The following CDK12 variants were observed in gnomAD, a reference collection of about 807,000 sequenced individuals.
CDK12 encodes cyclin-dependent kinase 12.
A neutral mutation model predicts 133.8 loss-of-function variants in CDK12; 17 were observed. That is an observed-to-expected ratio of 0.13 (90% CI 0.09 to 0.19). The LOEUF (loss-of-function observed/expected upper bound fraction) is 0.19, where lower values mean the gene tolerates loss of function less well. CDK12 is among the 10% of genes least tolerant of loss of function. The pLI, the probability that CDK12 is intolerant of heterozygous loss-of-function variation, is 1.00. For missense variants in CDK12, 1,508 were observed against 1,818.7 expected (o/e 0.83, Z 3.11); for synonymous variants, 694 against 683.6 (o/e 1.02, Z -0.24).
chr17:39,483,916 T>C (rs2050922410), intron 2 of CDK12, among the ~76,000 whole-genome samples: 1 of 151,952 alleles, frequency 6.6e-6, no homozygotes, highest in South Asian at 2.1e-4. Context: ...TGATCTTGGC[T>C]CACTGCAACT....
At chr17:39,463,244 G>C in intron 1 of CDK12, 127 bp downstream of exon 1, 4 of 803,732 alleles carry the variant, frequency 5.0e-6, no homozygotes, top group Non-Finnish European at 7.9e-6. Flanking sequence ...CTGTTGGCTA[G>C]TCATTCCAGT....
intron 3 of CDK12, 108 bp from the exon 4 acceptor site, chr17:39,492,643 T>G: frequency 1.4e-6 from 1 of 711,192 alleles, no homozygotes; most frequent in Non-Finnish European, 2.3e-6. Flanking sequence ...TCTCCTGACC[T>G]CGTGATCTGC....
chr17:39,471,589 C>A lies in CDK12; in HGVS notation c.1757C>A (p.Pro586His), dbSNP rs760432287. ...VPASSTSTLP[P>H]STHSKTSAVS... ...GCTTCCAGTACTTCAACTTTGCCCC[C>A]TTCTACTCACTCAAAGACATCTGCT... The change falls in exon 2 of 14, where the codon CCT becomes CAT. Residue 586 changes from proline (P) to histidine (H), a missense_variant. Physicochemically the swap from Pro to His is moderately conservative, Grantham distance 77 (BLOSUM62 -2). Coordinates refer to ENST00000447079, the MANE Select transcript of CDK12 (RefSeq NM_016507.4). 1 of 1,613,996 alleles carries A rather than the reference C, an allele frequency of 6.2e-7. No individual in the cohort carries two copies. The highest frequency in any genetic ancestry group is 8.5e-7 in the Non-Finnish European group (1 of 1,180,044).
intron 13 of CDK12, among the ~76,000 whole-genome samples, chr17:39,527,783 G>T (rs375531052): frequency 2.0e-5 from 3 of 152,186 alleles, no homozygotes; most frequent in African/African-American, 7.2e-5. Flanking sequence ...CCAGCCTCAG[G>T]TGATCTGCCC....
chr17:39,481,625 GCTCGCGCGCTCTCTCTCTCTCTCT>G (rs2050659989), intron 2 of CDK12, among the ~76,000 whole-genome samples: 3 of 100,700 alleles, frequency 3.0e-5, no homozygotes, highest in African/African-American at 1.1e-4. Flanking sequence ...GTGCTTGCTC[GCTCGCGCGCTCTCTCTCTCTCTCT>G]CTCTCTCTCT....
At chr17:39,517,148 T>C (rs1162820285) in intron 9 of CDK12, among the ~76,000 whole-genome samples, 1 of 152,174 alleles carries the variant, frequency 6.6e-6, no homozygotes, top group Non-Finnish European at 1.5e-5. Flanking sequence ...ACAAAACTGG[T>C]AATAAAAACC....
In CDK12 at chr17:39,531,443, C is replaced by T. The variant is rs1448189662; in HGVS notation, c.*127C>T. 4.4e-6 allele frequency: 4 copies of T among 910,908 alleles called. No individual in the cohort carries two copies. The highest frequency in any genetic ancestry group is 4.1e-5 in the South Asian group (1 of 24,562). 56.4% of individuals were successfully genotyped at this position (910,908 alleles called of 1,614,324 possible). ...TGCATTTGGCTACTGCAAAGCTGTC[C>T]GTTGTATTCCTTGCTCACTTGCTAC... On this transcript the variant is annotated 3_prime_UTR_variant, in exon 14 of 14. Transcript: ENST00000447079.
At chr17:39,464,792 A>G (rs2049179621) in intron 1 of CDK12, among the ~76,000 whole-genome samples, 2 of 151,678 alleles carry the variant, frequency 1.3e-5, no homozygotes, top group African/African-American at 4.8e-5. Context: ...TCTACAGGAA[A>G]AAAAAAAAAA....
At chr17:39,497,320 G>GA (rs1295996078) in intron 5 of CDK12, among the ~76,000 whole-genome samples, 3 of 152,122 alleles carry the variant, frequency 2.0e-5, no homozygotes, top group African/African-American at 7.2e-5. Context: ...AAGGCAGGCA[G>GA]ATCACTTGAA....
chr17:39,468,223 CTT>C (rs1302123875), intron 1 of CDK12, among the ~76,000 whole-genome samples: 1 of 152,034 alleles, frequency 6.6e-6, no homozygotes, highest in African/African-American at 2.4e-5. Context: ...TTTTAACTGA[CTT>C]TTGGAAGCAA....
At chr17:39,485,406 C>CA (rs1486198740) in intron 2 of CDK12, among the ~76,000 whole-genome samples, 3 of 133,858 alleles carry the variant, frequency 2.2e-5, no homozygotes, top group African/African-American at 3.1e-5. Context: ...GGCATCCCCC[C>CA]CCTTTTTTTT....
chr17:39,545,461 T>G (rs2055638622), upstream of CDK12, among the ~76,000 whole-genome samples: 1 of 151,040 alleles, frequency 6.6e-6, no homozygotes, highest in Admixed American at 6.6e-5. Flanking sequence ...GTGCAGGGAT[T>G]ATAGACGTGA....
At chr17:39,505,810 T>G (rs2053080744) in intron 6 of CDK12, among the ~76,000 whole-genome samples, 1 of 152,200 alleles carries the variant, frequency 6.6e-6, no homozygotes, top group African/African-American at 2.4e-5. Flanking sequence ...ATATGCAGGT[T>G]CTATAAAGCG....
intron 5 of CDK12, among the ~76,000 whole-genome samples, chr17:39,495,384 G>GTT (rs60185847): frequency 2.6e-4 from 29 of 110,646 alleles, no homozygotes; most frequent in Non-Finnish European, 4.7e-4. Flanking sequence ...GGCCTCATGT[G>GTT]TTTTTTTTTT....
rs201101082 is a variant in CDK12, at chr17:39,510,174, C to CA, written c.2666+414dup. On this transcript the variant is annotated intron_variant, in intron 7 of 13. Transcript: ENST00000447079. Reference sequence around the variant, plus strand: ...TCAATCTGTCACCTGGGCTGGAGTGCAGTGGCGTGATCTCGGCTCACTGCA... The same window carrying CA: ...TCAATCTGTCACCTGGGCTGGAGTGCAAGTGGCGTGATCTCGGCTCACTGCA... Among the ~76,000 whole-genome samples the CA allele has an allele frequency of 4.1e-3, 578 of 140,794 alleles. 6 individuals are homozygous for CA. Among genetic ancestry groups the CA allele is most frequent in the African/African-American group, 0.015 (548 of 36,610 alleles). 92.4% of individuals were successfully genotyped at this position (140,794 alleles called of 152,430 possible). A position where few individuals can be genotyped will look rare whatever the true frequency, so the allele number is the denominator to read the frequency against.
intron 2 of CDK12, among the ~76,000 whole-genome samples, chr17:39,554,309 G>A (rs2056066487): frequency 1.3e-5 from 2 of 152,234 alleles, no homozygotes; most frequent in Non-Finnish European, 2.9e-5. Flanking sequence ...CCTGGGACAA[G>A]AGAGAAGCAG....
chr17:39,471,143 T>G lies in CDK12; in HGVS notation c.1311T>G (p.Ala437=), dbSNP rs746767838. 1.3e-6 allele frequency: 2 copies of G among 1,591,252 alleles called. No homozygotes were observed. Among genetic ancestry groups the G allele is most frequent in the Admixed American group, 3.7e-5 (2 of 53,728 alleles). Residue 437 remains alanine (A), a synonymous_variant, in exon 2 of 14, where the codon GCT becomes GCG. Transcript: ENST00000447079. ...GAAAAGAGAACAGTTCAGTAGAGGC[T>G]AAGGATTCAGGTTTGGAGTCTAAAA... ...LPRKENSSVE[A]KDSGLESKKL...
At position 39,471,541 on chromosome 17, in the gene CDK12, A is replaced by T. The variant is rs771313388; in HGVS notation, c.1709A>T (p.Gln570Leu). 1 of 1,610,934 alleles carries T rather than the reference A, an allele frequency of 6.2e-7. No individual in the cohort carries two copies. Among genetic ancestry groups the T allele is most frequent in the Non-Finnish European group, 8.5e-7 (1 of 1,179,678 alleles). The change falls in exon 2 of 14, where the codon CAG (glutamine) becomes CTG (leucine). Residue 570 changes from glutamine to leucine, a missense_variant. By Grantham distance (113) the Gln-to-Leu change is moderately radical. Around this residue, in one of 9 missense-constraint regions of CDK12, gnomAD observed 347 missense variants for 330.8 expected, o/e 1.05. Transcript: ENST00000447079. ...LPQQPPLPPSQPAFSQVPASS... is the reference protein window; with the variant it reads ...LPQQPPLPPSLPAFSQVPASS... ...CAGCAACCACCTCTGCCTCCTTCTC[A>T]GCCAGCATTTAGTCAGGTTCCTGCT...
chr17:39,523,758 A>G (rs752172493), intron 11 of CDK12, among the ~76,000 whole-genome samples: 5 of 151,820 alleles, frequency 3.3e-5, no homozygotes, highest in African/African-American at 1.2e-4. Context: ...GGTTCAAGCA[A>G]TCCTCCTGCT....
Sources: allele counts gnomAD v4.1 joint callset (sites outside exome capture counted in the v4.1 genomes callset), GRCh38; gene constraint gnomAD v4.1.1; regional missense constraint gnomAD v4.1.1; transcripts MANE v1.5; gene names NCBI Gene and HGNC (gene_info 2026-07-23, HGNC 2026-07-21).